CSMD1: variants seen among roughly 807,000 people sequenced by gnomAD.
CSMD1 encodes CUB and Sushi multiple domains 1.
In CSMD1, 213 loss-of-function variants were observed where a neutral mutation model predicts 417.5. That is an observed-to-expected ratio of 0.51 (90% confidence interval 0.46 to 0.57). The LOEUF (loss-of-function observed/expected upper bound fraction) is 0.57. CSMD1 is among the 20% of genes least tolerant of loss of function. CSMD1 has a pLI of 0.00. For missense variants in CSMD1, 6,923 were observed against 4,529.7 expected, an observed-to-expected ratio of 1.53 and a Z score of -15.17; for synonymous variants, 2,862 against 1,736.8, an observed-to-expected ratio of 1.65 and a Z score of -16.11.
intron 2 of CSMD1, among the ~76,000 whole-genome samples, chr8:4,491,497 G>A (rs1377403287): frequency 2.6e-5 from 4 of 152,036 alleles, no homozygotes; most frequent in Non-Finnish European, 5.9e-5. Context: ...GTATCATTTT[G>A]GTAACTTCAC....
At chr8:3,976,604 C>T (rs116655845) in intron 5 of CSMD1, among the ~76,000 whole-genome samples, 7,897 of 152,244 alleles carry the variant, frequency 0.052, 337 homozygotes, top group African/African-American at 0.11. Context: ...TTTGCATAAG[C>T]ATTAATTATT....
At chr8:4,575,359 G>A (rs1295205830) in intron 2 of CSMD1, among the ~76,000 whole-genome samples, 1 of 152,176 alleles carries the variant, frequency 6.6e-6, no homozygotes, top group Non-Finnish European at 1.5e-5. Flanking sequence ...TTTTATTAAA[G>A]TTGCGGGATG....
chr8:4,133,150 C>T (rs185876894), intron 3 of CSMD1, among the ~76,000 whole-genome samples: 183 of 152,178 alleles, frequency 1.2e-3, no homozygotes, highest in African/African-American at 4.1e-3. Context: ...ATTGGCCAGG[C>T]TGGTCTCAAA....
chr8:4,258,188 T>G (rs1803595432), intron 3 of CSMD1, among the ~76,000 whole-genome samples: 1 of 150,012 alleles, frequency 6.7e-6, no homozygotes, highest in Admixed American at 6.7e-5. Context: ...CAAGCAATCT[T>G]CCTGGCTTGG....
chr8:4,445,469 TAAGA>T (rs754305482), intron 2 of CSMD1, among the ~76,000 whole-genome samples: 17 of 152,224 alleles, frequency 1.1e-4, no homozygotes, highest in Non-Finnish European at 2.4e-4. Flanking sequence ...GTGAGTCACT[TAAGA>T]AAGTCAAAGT....
At position 3,186,017 on chromosome 8, in the gene CSMD1, C is replaced by T. The variant is rs182521487; in HGVS notation, c.5620+1852G>A. On this transcript the variant is annotated intron_variant, in intron 36 of 69. Transcript: ENST00000635120. ...ATTTTAATTTATTTTTCCCAGGTAG[C>T]TTTTTTTTCTCTTACATCTTAAAAA... Among the ~76,000 whole-genome samples, 892 of 150,802 alleles carry T rather than the reference C, an allele frequency of 5.9e-3. 3 individuals carry two copies. Among genetic ancestry groups the T allele is most frequent in the Non-Finnish European group, 9.6e-3 (651 of 67,750 alleles).
At chr8:3,514,726 T>C (rs779807413) in intron 10 of CSMD1, among the ~76,000 whole-genome samples, 11 of 152,300 alleles carry the variant, frequency 7.2e-5, no homozygotes, top group Non-Finnish European at 1.2e-4. Context: ...ATGATATTAA[T>C]ACTATTTTTT....
intron 1 of CSMD1, among the ~76,000 whole-genome samples, chr8:4,785,816 T>C (rs1440113257): frequency 2.0e-5 from 3 of 152,166 alleles, no homozygotes. Flanking sequence ...ACTCGTTAAA[T>C]GGTGAAACTG....
chr8:3,784,513 A>G (rs1799341401), intron 5 of CSMD1, among the ~76,000 whole-genome samples: 1 of 152,188 alleles, frequency 6.6e-6, no homozygotes, highest in Non-Finnish European at 1.5e-5. Context: ...ACTTGCTAGA[A>G]TCCTCAATTT....
At chr8:3,915,061 G>C (rs1338528235) in intron 5 of CSMD1, among the ~76,000 whole-genome samples, 1 of 152,122 alleles carries the variant, frequency 6.6e-6, no homozygotes, top group Admixed American at 6.5e-5. Context: ...GCAGGGAATA[G>C]TTATTGAATT....
chr8:3,722,832 T>C (rs903590120), intron 6 of CSMD1, among the ~76,000 whole-genome samples: 1 of 152,240 alleles, frequency 6.6e-6, no homozygotes, highest in African/African-American at 2.4e-5. Context: ...AGGAAAAATA[T>C]GTTTGAGATT....
rs571388872 is a variant in CSMD1, at chr8:4,692,084, G to A, written c.86-54526C>T. On this transcript the variant is annotated intron_variant, in intron 1 of 69. Coordinates refer to ENST00000635120, the MANE Select transcript of CSMD1 (RefSeq NM_033225.6). Reference sequence around the variant, plus strand: ...ACAACCTACCCTACAAATGGGACTTGCTGTATGCTGAATACCCCTGGCACC... The same window carrying A: ...ACAACCTACCCTACAAATGGGACTTACTGTATGCTGAATACCCCTGGCACC... 2.0e-5 allele frequency among the ~76,000 whole-genome samples: 3 copies of A among 152,254 alleles called. No homozygotes were observed. In the South Asian group the frequency reaches 6.2e-4, roughly 32 times the overall value.
intron 2 of CSMD1, among the ~76,000 whole-genome samples, chr8:4,596,937 G>C (rs969053319): frequency 5.9e-5 from 9 of 152,022 alleles, no homozygotes; most frequent in African/African-American, 2.2e-4. Flanking sequence ...TTCCGCTTTT[G>C]TTTCTTCCTC....
At chr8:4,376,965 G>T (rs1056534863) in intron 3 of CSMD1, among the ~76,000 whole-genome samples, 2 of 152,138 alleles carry the variant, frequency 1.3e-5, no homozygotes, top group African/African-American at 4.8e-5. Context: ...TCACCGCACA[G>T]GTGCTGAGCA....
At chr8:4,690,647 G>C (rs1012656169) in intron 1 of CSMD1, among the ~76,000 whole-genome samples, 1 of 152,166 alleles carries the variant, frequency 6.6e-6, no homozygotes, top group African/African-American at 2.4e-5. Flanking sequence ...CAATCCTTTT[G>C]TGAAATAATC....
At chr8:4,563,673 A>G (rs1485944465) in intron 2 of CSMD1, among the ~76,000 whole-genome samples, 1 of 152,242 alleles carries the variant, frequency 6.6e-6, no homozygotes, top group East Asian at 1.9e-4. Context: ...TTTACACATT[A>G]CAAAATTTAA....
rs767504463 is a variant in CSMD1, at chr8:3,918,779, G to C, written c.818+79124C>G. Among the ~76,000 whole-genome samples the C allele has an allele frequency of 2.0e-5, 3 of 152,086 alleles. No homozygotes were observed. The East Asian group carries it at 5.8e-4, about 29-fold the overall frequency. ...TTCTAAGTGAAGTAACTCAGCAATG[G>C]AAAACCAAACATTTTATGTTCTCAT... is the stretch of plus-strand genomic sequence containing the variant. On this transcript the variant is annotated intron_variant, in intron 5 of 69. Transcript: ENST00000635120.
At chr8:3,963,828 T>G (rs959679758) in intron 5 of CSMD1, among the ~76,000 whole-genome samples, 11 of 152,186 alleles carry the variant, frequency 7.2e-5, no homozygotes. Flanking sequence ...CAACATCAAA[T>G]GTAAATATAA....
rs1006908597 is a variant in CSMD1, at chr8:3,165,890, G to T, written c.5726-3613C>A. 2.6e-5 allele frequency among the ~76,000 whole-genome samples: 4 copies of T among 152,056 alleles called. No homozygotes were observed. In the East Asian group the frequency reaches 7.8e-4, roughly 30 times the overall value. On this transcript the variant is annotated intron_variant, in intron 37 of 69. Coordinates refer to ENST00000635120, the MANE Select transcript of CSMD1 (RefSeq NM_033225.6). ...AATCAACCATCTACAGAATGGCTCC[G>T]AAACAGAAAAGCCAGAAAGGAGGTG...
Sources: allele counts gnomAD v4.1 joint callset (sites outside exome capture counted in the v4.1 genomes callset), GRCh38; gene constraint gnomAD v4.1.1; transcripts MANE v1.5; gene names NCBI Gene and HGNC (gene_info 2026-07-23, HGNC 2026-07-21).